The following GUCY1A2 variants were observed in gnomAD, a reference collection of about 807,000 sequenced individuals.
GUCY1A2 encodes the protein guanylate cyclase 1 soluble subunit alpha 2.
A neutral mutation model predicts 63.5 loss-of-function variants in GUCY1A2; 27 were observed. The ratio of observed to expected loss-of-function variants is 0.43; its 90% CI spans 0.31 to 0.59. The LOEUF is 0.59. GUCY1A2 is among the 20% of genes least tolerant of loss of function. The pLI is 0.11. For synonymous variants in GUCY1A2, 364 were observed against 343.5 expected, an observed-to-expected ratio of 1.06 and a Z score of -0.66; for missense variants, 768 against 913.3, an observed-to-expected ratio of 0.84 and a Z score of 2.05.
chr11:106,891,192 T>G (rs1330899093), intron 4 of GUCY1A2, among the ~76,000 whole-genome samples: 1 of 152,142 alleles, frequency 6.6e-6, no homozygotes, highest in Admixed American at 6.5e-5. Flanking sequence ...TCACTGTGGT[T>G]TTAATTTACA....
intron 6 of GUCY1A2, among the ~76,000 whole-genome samples, chr11:106,712,669 A>T (rs534680885): frequency 5.9e-4 from 90 of 152,238 alleles, no homozygotes; most frequent in Non-Finnish European, 9.9e-4. Context: ...GTTCCTTTCA[A>T]GTCTTGCTTT....
chr11:106,742,437 G>A (rs1276275309), intron 6 of GUCY1A2, among the ~76,000 whole-genome samples: 1 of 152,160 alleles, frequency 6.6e-6, no homozygotes, highest in Non-Finnish European at 1.5e-5. Flanking sequence ...AGAATATGTG[G>A]TATTTGGTTT....
chr11:106,937,484 T>G (rs1046637192), intron 4 of GUCY1A2, among the ~76,000 whole-genome samples: 1 of 152,168 alleles, frequency 6.6e-6, no homozygotes, highest in Admixed American at 6.6e-5. Flanking sequence ...AATAATATAT[T>G]CTAGTTCAGA....
intron 7 of GUCY1A2, among the ~76,000 whole-genome samples, chr11:106,689,195 C>T (rs1273013825): frequency 6.6e-6 from 1 of 151,946 alleles, no homozygotes; most frequent in Non-Finnish European, 1.5e-5. Context: ...TCCTCGAATG[C>T]TATTAATGGA....
In GUCY1A2 at chr11:106,683,589, T is replaced by C. The variant is rs1862468299; in HGVS notation, c.*3960A>G. ...GCACCAGCAACCCTTTCTGTAGCCA[T>C]TCTGGGTTCAGAAGTGAAGAGAGAA... is the stretch of plus-strand genomic sequence containing the variant. On this transcript the variant is annotated 3_prime_UTR_variant, in exon 8 of 8. Coordinates refer to ENST00000526355, the MANE Select transcript of GUCY1A2 (RefSeq NM_000855.3). 1 of 228,374 alleles carries C rather than the reference T, an allele frequency of 4.4e-6. No individual in the cohort carries two copies. The highest frequency in any genetic ancestry group is 5.7e-5 in the Admixed American group (1 of 17,580). 14.1% of individuals were successfully genotyped at this position (228,374 alleles called of 1,614,324 possible).
chr11:106,950,169 G>A (rs929655000), intron 3 of GUCY1A2, among the ~76,000 whole-genome samples: 1 of 152,194 alleles, frequency 6.6e-6, no homozygotes, highest in African/African-American at 2.4e-5. Flanking sequence ...CTAAGAAGGG[G>A]ACAGGTTCAG....
intron 5 of GUCY1A2, among the ~76,000 whole-genome samples, chr11:106,801,763 G>A (rs1054935325): frequency 2.0e-5 from 3 of 152,028 alleles, no homozygotes; most frequent in Admixed American, 2.0e-4. Context: ...TGAGGGAATG[G>A]ATACCCCATT....
intron 6 of GUCY1A2, among the ~76,000 whole-genome samples, chr11:106,761,574 T>C (rs1864066998): frequency 1.3e-5 from 2 of 152,162 alleles, no homozygotes; most frequent in South Asian, 4.1e-4. Context: ...AGAAATATGT[T>C]TGCCTGAGAT....
intron 4 of GUCY1A2, among the ~76,000 whole-genome samples, chr11:106,910,951 T>C (rs1184603186): frequency 1.3e-5 from 2 of 152,050 alleles, no homozygotes; most frequent in African/African-American, 2.4e-5. Flanking sequence ...AGTTATCTGA[T>C]TGTGCCCTTA....
At chr11:106,881,969 C>T (rs7950624) in intron 4 of GUCY1A2, among the ~76,000 whole-genome samples, 1,950 of 152,014 alleles carry the variant, frequency 0.013, 26 homozygotes, top group South Asian at 0.048. Context: ...TATTCCCAGA[C>T]TATCAATGGG....
chr11:106,761,376 C>T (rs1864063693), intron 6 of GUCY1A2, among the ~76,000 whole-genome samples: 1 of 152,094 alleles, frequency 6.6e-6, no homozygotes, highest in South Asian at 2.1e-4. Flanking sequence ...AGCTAAACCA[C>T]AAGAAAAGAA....
At chr11:106,880,999 C>T (rs1260803959) in intron 4 of GUCY1A2, among the ~76,000 whole-genome samples, 1 of 152,050 alleles carries the variant, frequency 6.6e-6, no homozygotes, top group Non-Finnish European at 1.5e-5. Flanking sequence ...CTTCTGTGGA[C>T]TGTAATAATT....
At chr11:106,997,617 A>ACCCCCC (rs377457144) in intron 1 of GUCY1A2, among the ~76,000 whole-genome samples, 82 of 119,818 alleles carry the variant, frequency 6.8e-4, no homozygotes, top group Non-Finnish European at 1.0e-3. Context: ...AAGATAGGGA[A>ACCCCCC]CCCCCCCCCC....
In GUCY1A2 at chr11:106,827,302, A is replaced by G. The variant is rs1011141527; in HGVS notation, c.1207-16824T>C. On this transcript the variant is annotated intron_variant, in intron 4 of 7. Coordinates refer to ENST00000526355, the MANE Select transcript of GUCY1A2 (RefSeq NM_000855.3). ...AATTTTAGCCTCTGATTTTTCAGCA[A>G]TGAGCTTTGAAGTCAAGAATTCAGC... The G allele has an allele frequency of 5.1e-6, 8 of 1,554,922 alleles. No homozygotes were observed. In the African/African-American group the frequency reaches 1.1e-4, roughly 21 times the overall value.
chr11:106,740,648 CTGTA>C (rs6144494), intron 6 of GUCY1A2, among the ~76,000 whole-genome samples: 5,493 of 148,816 alleles, frequency 0.037, 116 homozygotes, highest in East Asian at 0.071. Flanking sequence ...GACCATATCA[CTGTA>C]TGTATGTATG....
rs1391259629 is a variant in GUCY1A2, at chr11:106,776,439, C to A, written c.1836G>T (p.Gln612His). 6.2e-7 allele frequency: 1 copy of A among 1,612,542 alleles called. No homozygotes were observed. Residue 612 changes from glutamine (Q) to histidine (H), a missense_variant and splice_region_variant, in exon 6 of 8, where the codon CAG becomes CAT. Physicochemically the swap from Gln to His is conservative, Grantham distance 24. Around this residue, in one of 3 missense-constraint regions of GUCY1A2, gnomAD observed 150 missense variants for 188.3 expected, o/e 0.80. Coordinates refer to ENST00000526355, the MANE Select transcript of GUCY1A2 (RefSeq NM_000855.3). The part of the protein sequence containing the change: ...EVLTPDGRPI[Q>H]MRIGIHSGSV... ...CAAACTAGATTGTTGGGAGGGTTAC[C>A]TGAATCGGTCTTCCATCAGGTGTCA...
At chr11:106,827,903 C>T (rs1379247923) in intron 4 of GUCY1A2, 9 of 1,486,252 alleles carry the variant, frequency 6.1e-6, no homozygotes, top group Admixed American at 1.7e-5. Flanking sequence ...TGCCGGACTC[C>T]CAGTGGTTTA....
intron 5 of GUCY1A2, among the ~76,000 whole-genome samples, chr11:106,798,881 T>C (rs1864816615): frequency 6.6e-6 from 1 of 151,996 alleles, no homozygotes; most frequent in Non-Finnish European, 1.5e-5. Context: ...CTCTCACCAC[T>C]CCTATTCAAC....
At chr11:107,006,798 A>G (rs1358654784) in intron 1 of GUCY1A2, among the ~76,000 whole-genome samples, 1 of 152,228 alleles carries the variant, frequency 6.6e-6, no homozygotes. Flanking sequence ...AGGCACTGAA[A>G]CACACAGGTG....
Sources: gnomAD v4.1 joint callset for allele counts (sites outside exome capture counted in the v4.1 genomes callset) on GRCh38, gnomAD v4.1.1 for gene constraint, gnomAD v4.1.1 regional missense constraint, MANE v1.5 for transcripts, NCBI Gene and HGNC (gene_info 2026-07-23, HGNC 2026-07-21) for gene names.